CDH4: variants seen among roughly 807,000 people sequenced by gnomAD.
The protein encoded by CDH4 is cadherin-4.
A neutral mutation model predicts 86.0 loss-of-function variants in CDH4; 33 were observed. That is an observed-to-expected ratio of 0.38 (90% confidence interval 0.29 to 0.51). The LOEUF (loss-of-function observed/expected upper bound fraction) is 0.51, where lower values mean the gene tolerates loss of function less well. Among genes scored for constraint, CDH4 ranks in the 20% least tolerant of loss-of-function variants. The pLI is 0.86. For synonymous variants in CDH4, 555 were observed against 549.4 expected (o/e 1.01, Z -0.14); for missense variants, 1,114 against 1,307.4 (o/e 0.85, Z 2.28).
At chr20:61,398,207 A>C (rs943280080) in intron 2 of CDH4, among the ~76,000 whole-genome samples, 1 of 152,244 alleles carries the variant, frequency 6.6e-6, no homozygotes, top group Non-Finnish European at 1.5e-5. Flanking sequence ...TCCGGCTTTA[A>C]ATATTGACAG....
At chr20:61,428,134 C>T (rs530004064) in intron 2 of CDH4, among the ~76,000 whole-genome samples, 18 of 152,294 alleles carry the variant, frequency 1.2e-4, no homozygotes, top group African/African-American at 3.8e-4. Context: ...GTAGGAATTC[C>T]TTCTGCTTCT....
Position 61,929,713 on chromosome 20 carries a change from T to C in CDH4, c.2110T>C (p.Ser704Pro), listed in dbSNP as rs765196630. 1.9e-6 allele frequency: 3 copies of C among 1,614,136 alleles called. No individual in the cohort carries two copies. Among genetic ancestry groups the C allele is most frequent in the Non-Finnish European group, 2.5e-6 (3 of 1,179,998 alleles). ...DSGNPPLSNTSIIKVKVCPCD... is the reference protein window; with the variant it reads ...DSGNPPLSNTPIIKVKVCPCD... ...TGGAAACCCTCCCCTGTCCAACACG[T>C]CCATCATCAAAGTCAAGGTGTGCCC... The change falls in exon 13 of 16, where the codon TCC (serine) becomes CCC (proline). Residue 704 changes from serine (S) to proline (P), a missense_variant. Ser to Pro is a moderately conservative substitution (Grantham distance 74). This residue lies in a region of CDH4 where 705 missense variants were observed against 914.1 expected (regional missense o/e 0.77). Coordinates refer to ENST00000614565, the MANE Select transcript of CDH4 (RefSeq NM_001794.5).
At chr20:61,273,268 T>C (rs1450806619) in intron 2 of CDH4, among the ~76,000 whole-genome samples, 6 of 125,942 alleles carry the variant, frequency 4.8e-5, no homozygotes, top group African/African-American at 1.9e-4. Context: ...GAGTACCGTG[T>C]GCAGTTTGGG....
At chr20:61,853,211 G>A (rs8116790) in intron 6 of CDH4, among the ~76,000 whole-genome samples, 1,579 of 152,208 alleles carry the variant, frequency 0.01, 22 homozygotes, top group African/African-American at 0.036. Flanking sequence ...TGCAGCTGGC[G>A]TGTGGGCTGG....
intron 2 of CDH4, among the ~76,000 whole-genome samples, chr20:61,557,140 G>A (rs62199235): frequency 0.15 from 22,918 of 152,112 alleles, 1,987 homozygotes; most frequent in Middle Eastern, 0.26. Flanking sequence ...TAAAAAGGTC[G>A]GGATTGATGC....
At chr20:61,344,315 G>A (rs1176929285) in intron 2 of CDH4, among the ~76,000 whole-genome samples, 1 of 152,170 alleles carries the variant, frequency 6.6e-6, no homozygotes, top group Non-Finnish European at 1.5e-5. Flanking sequence ...CATGGACTGG[G>A]CCCTCAGTTT....
rs946209414 is a variant in CDH4, at chr20:61,296,752, G to A, written c.169+41815G>A. ...CCCAGGCGTCTGGGGTGATATTCTG[G>A]AAAGAGCAGGCATGGCCGAAGGTCC... On this transcript the variant is annotated intron_variant, in intron 2 of 15. Coordinates refer to ENST00000614565, the MANE Select transcript of CDH4 (RefSeq NM_001794.5). Among the ~76,000 whole-genome samples the A allele has an allele frequency of 3.3e-5, 5 of 152,330 alleles. No homozygotes were observed. In the East Asian group the frequency reaches 7.7e-4, roughly 24 times the overall value.
At chr20:61,683,564 G>A (rs191804765) in intron 2 of CDH4, among the ~76,000 whole-genome samples, 10 of 152,314 alleles carry the variant, frequency 6.6e-5, no homozygotes, top group African/African-American at 2.4e-4. Context: ...GCACGCATCT[G>A]CTTCCTCAGA....
intron 2 of CDH4, among the ~76,000 whole-genome samples, chr20:61,298,480 G>C (rs1048523964): frequency 1.9e-4 from 29 of 152,172 alleles, no homozygotes; most frequent in African/African-American, 6.3e-4. Flanking sequence ...ATTTCTGGAA[G>C]GTTCTGCTGG....
At chr20:61,297,096 AGT>A (rs2084359216) in intron 2 of CDH4, among the ~76,000 whole-genome samples, 1 of 152,194 alleles carries the variant, frequency 6.6e-6, no homozygotes, top group African/African-American at 2.4e-5. Context: ...TCTCTTAAAA[AGT>A]GTGGAGGCAA....
chr20:61,282,392 T>G (rs1377801130), intron 2 of CDH4, among the ~76,000 whole-genome samples: 1 of 152,186 alleles, frequency 6.6e-6, no homozygotes, highest in African/African-American at 2.4e-5. Context: ...TTTGGCTCTA[T>G]CCCTCTTACT....
At chr20:61,307,443 A>G (rs2084423331) in intron 2 of CDH4, among the ~76,000 whole-genome samples, 1 of 152,236 alleles carries the variant, frequency 6.6e-6, no homozygotes, top group Non-Finnish European at 1.5e-5. Flanking sequence ...TCAGGCACTC[A>G]GCACCTACAT....
chr20:61,260,925 C>T (rs923738534), intron 2 of CDH4, among the ~76,000 whole-genome samples: 8 of 152,234 alleles, frequency 5.3e-5, no homozygotes, highest in African/African-American at 1.7e-4. Context: ...GAATAAAGCA[C>T]AGAAAGCGCT....
At chr20:61,929,568 G>A in intron 12 of CDH4, 41 bp from the exon 13 acceptor site, 2 of 1,501,696 alleles carry the variant, frequency 1.3e-6, no homozygotes, top group Non-Finnish European at 9.3e-7. Flanking sequence ...TGGAAGCGAG[G>A]GCCGGGCTCT....
At chr20:61,437,676 AC>A (rs1256775640) in intron 2 of CDH4, 1 of 152,160 alleles carries the variant, frequency 6.6e-6, no homozygotes, top group Non-Finnish European at 1.5e-5. Flanking sequence ...CCCAAGTGCC[AC>A]TGTGCATGGC....
chr20:61,665,651 G>A (rs1175782482), intron 2 of CDH4, among the ~76,000 whole-genome samples: 1 of 152,238 alleles, frequency 6.6e-6, no homozygotes, highest in Non-Finnish European at 1.5e-5. Context: ...ATGCGAACGA[G>A]TGCTCCCGGC....
chr20:61,319,942 A>C (rs2084499162), intron 2 of CDH4, among the ~76,000 whole-genome samples: 1 of 136,352 alleles, frequency 7.3e-6, no homozygotes, highest in South Asian at 2.6e-4. Flanking sequence ...GTGACAGAGT[A>C]AGACTCCATC....
At chr20:61,862,181 G>A (rs6089525) in intron 6 of CDH4, among the ~76,000 whole-genome samples, 35,405 of 152,032 alleles carry the variant, frequency 0.23, 4,763 homozygotes, top group African/African-American at 0.37. Context: ...TGCCCTGGGC[G>A]ACTCCCTTGA....
At chr20:61,796,108 G>A (rs148680870) in intron 4 of CDH4, among the ~76,000 whole-genome samples, 2 of 152,012 alleles carry the variant, frequency 1.3e-5, no homozygotes, top group African/African-American at 2.4e-5. Context: ...CTCCCGGACC[G>A]CTGCCTCCTC....
Sources: gnomAD v4.1 joint callset for allele counts (sites outside exome capture counted in the v4.1 genomes callset) on GRCh38, gnomAD v4.1.1 for gene constraint, gnomAD v4.1.1 regional missense constraint, MANE v1.5 for transcripts, NCBI Gene and HGNC (gene_info 2026-07-23, HGNC 2026-07-21) for gene names.